The following SLC36A1 variants were observed in gnomAD, a reference collection of about 807,000 sequenced individuals.
SLC36A1 encodes the protein solute carrier family 36 member 1, also known as proton-coupled amino acid transporter 1.
In SLC36A1, 30 loss-of-function variants were observed where a neutral mutation model predicts 47.5. The ratio of observed to expected loss-of-function variants is 0.63; its 90% confidence interval spans 0.47 to 0.86. The LOEUF (loss-of-function observed/expected upper bound fraction) is 0.86. Ranked by LOEUF, SLC36A1 falls within the 40% of genes least tolerant of loss-of-function variation. The probability of loss-of-function intolerance (pLI) is 0.00; values close to 1 mark genes in which losing one functional copy is unlikely to be tolerated. For synonymous variants in SLC36A1, 255 were observed against 249.7 expected (o/e 1.02, Z -0.20); for missense variants, 517 against 606.0 (o/e 0.85, Z 1.54).
At chr5:151,454,082 A>C (rs1209478404) in intron 1 of SLC36A1, among the ~76,000 whole-genome samples, 1 of 116,798 alleles carries the variant, frequency 8.6e-6, no homozygotes, top group Admixed American at 8.4e-5. Context: ...TGTACACTTA[A>C]ATTTTTTTTT....
chr5:151,420,697 G>A, the SLC36A1 span, among the ~76,000 whole-genome samples: 2 of 152,042 alleles, frequency 1.3e-5, no homozygotes, highest in Non-Finnish European at 1.5e-5. Context: ...AAGTAAGAAA[G>A]GAATGTCCCT....
chr5:151,513,529 T>TGGGA, the SLC36A1 span, among the ~76,000 whole-genome samples: 1 of 152,076 alleles, frequency 6.6e-6, no homozygotes, highest in Non-Finnish European at 1.5e-5. Context: ...CACTTACAAG[T>TGGGA]GGGAACTAAA....
chr5:151,551,638 A>G, the SLC36A1 span: 2 of 1,612,616 alleles, frequency 1.2e-6, no homozygotes, highest in Non-Finnish European at 8.5e-7. Context: ...AGCACACACA[A>G]CCTCAGTGAT....
downstream of SLC36A1, among the ~76,000 whole-genome samples, chr5:151,495,533 G>A (rs1165012995): frequency 6.6e-6 from 1 of 151,922 alleles, no homozygotes; most frequent in Non-Finnish European, 1.5e-5. Context: ...ATACTCATTT[G>A]TGTGTGTGTG....
chr5:151,445,721 G>A (rs986977328), upstream of SLC36A1, among the ~76,000 whole-genome samples: 1 of 152,094 alleles, frequency 6.6e-6, no homozygotes, highest in Non-Finnish European at 1.5e-5. Flanking sequence ...ATCTTGGTAG[G>A]TTGTATTTTT....
chr5:151,531,687 C>T, the SLC36A1 span: 1 of 1,613,828 alleles, frequency 6.2e-7, no homozygotes, highest in South Asian at 1.1e-5. The surrounding 1 kb of genome is among the most constrained non-coding windows in gnomAD (Gnocchi z 5.7). Context: ...CCAGCTGCAG[C>T]ACCTCCGTGC....
chr5:151,367,722 GTAT>G, the SLC36A1 span, among the ~76,000 whole-genome samples: 1 of 152,140 alleles, frequency 6.6e-6, no homozygotes, highest in South Asian at 2.1e-4. Flanking sequence ...AATTATAAAA[GTAT>G]TATTTGAGAA....
the SLC36A1 span, among the ~76,000 whole-genome samples, chr5:151,507,825 C>G: frequency 6.6e-6 from 1 of 152,162 alleles, no homozygotes; most frequent in Non-Finnish European, 1.5e-5. Context: ...CATTTGTGAC[C>G]ATTAGGATCT....
the SLC36A1 span, among the ~76,000 whole-genome samples, chr5:151,399,288 C>T: frequency 1.3e-5 from 2 of 151,358 alleles, no homozygotes; most frequent in Non-Finnish European, 2.9e-5. Flanking sequence ...GGTTTCACCA[C>T]GTTGTCCAGG....
the SLC36A1 span, among the ~76,000 whole-genome samples, chr5:151,408,706 A>C: frequency 1.3e-5 from 2 of 152,216 alleles, no homozygotes; most frequent in Non-Finnish European, 2.9e-5. Context: ...ATCCAGCCCT[A>C]TCTCTGCTTC....
At chr5:151,406,206 A>G in the SLC36A1 span, among the ~76,000 whole-genome samples, 2 of 152,186 alleles carry the variant, frequency 1.3e-5, no homozygotes, top group South Asian at 4.1e-4. Context: ...AGGTTAGGTC[A>G]CCAGGAAACC....
the SLC36A1 span, among the ~76,000 whole-genome samples, chr5:151,432,038 G>A: frequency 8.5e-5 from 13 of 152,102 alleles, no homozygotes; most frequent in Admixed American, 3.9e-4. Flanking sequence ...CTTCTCCACC[G>A]CACACACAGA....
chr5:151,530,557 T>C, the SLC36A1 span, among the ~76,000 whole-genome samples: 39 of 152,368 alleles, frequency 2.6e-4, no homozygotes, highest in African/African-American at 8.2e-4. Flanking sequence ...ACACTTAAAA[T>C]CTTGCATATC....
At chr5:151,523,539 A>G in the SLC36A1 span, among the ~76,000 whole-genome samples, 27 of 152,176 alleles carry the variant, frequency 1.8e-4, no homozygotes, top group Non-Finnish European at 2.8e-4. Flanking sequence ...TTGCTGGCCT[A>G]TGGTGCCTCC....
At chr5:151,378,417 G>T in the SLC36A1 span, 33 of 184,180 alleles carry the variant, frequency 1.8e-4, 1 homozygote, top group Non-Finnish European at 3.0e-4. Flanking sequence ...TCTTCTTCTA[G>T]GTATTTGATC....
At chr5:151,516,474 C>T in the SLC36A1 span, among the ~76,000 whole-genome samples, 2 of 152,176 alleles carry the variant, frequency 1.3e-5, no homozygotes, top group East Asian at 1.9e-4. Context: ...TGAGATCATG[C>T]CACTGCCCTC....
At chr5:151,529,544 A>C in the SLC36A1 span, 1 of 630,570 alleles carries the variant, frequency 1.6e-6, no homozygotes, top group South Asian at 1.9e-5. Flanking sequence ...TCCCTTTGCT[A>C]TCCCCTTGAC....
the SLC36A1 span, among the ~76,000 whole-genome samples, chr5:151,362,624 C>T: frequency 1.0e-3 from 154 of 152,272 alleles, no homozygotes; most frequent in East Asian, 0.023. Context: ...TTTCTGACCT[C>T]AGGCGATCTC....
chr5:151,400,100 C>T, the SLC36A1 span, among the ~76,000 whole-genome samples: 1 of 152,070 alleles, frequency 6.6e-6, no homozygotes, highest in Non-Finnish European at 1.5e-5. Flanking sequence ...TATGAACGAT[C>T]CCATAACCCA....
Sources: allele counts gnomAD v4.1 joint callset (sites outside exome capture counted in the v4.1 genomes callset), GRCh38; gene constraint gnomAD v4.1.1; non-coding constraint Gnocchi (gnomAD v3.1); transcripts MANE v1.5; gene names NCBI Gene and HGNC (gene_info 2026-07-23, HGNC 2026-07-21).